The following GCN1 variants were observed in gnomAD, a reference collection of about 807,000 sequenced individuals.
GCN1 encodes GCN1 activator of EIF2AK4.
Under a neutral mutation model 288.4 loss-of-function variants are expected in GCN1, and 90 were observed. The observed-to-expected ratio is 0.31, with a 90% CI of 0.26 to 0.37. The LOEUF is 0.37. Ranked by LOEUF, GCN1 falls within the 10% of genes least tolerant of loss-of-function variation. The pLI is 1.00. For missense variants in GCN1, 2,586 were observed against 3,419.9 expected (o/e 0.76, Z 6.08); for synonymous variants, 1,386 against 1,420.2 (o/e 0.98, Z 0.54).
chr12:120,158,428 C>A lies in GCN1; in HGVS notation c.2905+32G>T. 6.6e-7 allele frequency: 1 copy of A among 1,515,924 alleles called. No homozygotes were observed. The highest frequency in any genetic ancestry group is 8.9e-7 in the Non-Finnish European group (1 of 1,126,088). 93.9% of individuals were successfully genotyped at this position (1,515,924 alleles called of 1,614,324 possible). ...GCATTCCTGGCACCAGCTCACACCG[C>A]CTGGTGCCCCTGATCCCGTCCCAGC... On this transcript the variant is annotated intron_variant, in intron 25 of 57. Coordinates refer to ENST00000300648, the MANE Select transcript of GCN1 (RefSeq NM_006836.2). This position sits in a 1 kb window ranked among gnomAD's most constrained non-coding sequence, Gnocchi z 4.3.
intron 36 of GCN1, among the ~76,000 whole-genome samples, chr12:120,148,570 G>C (rs1877434047): frequency 6.6e-6 from 1 of 152,208 alleles, no homozygotes; most frequent in African/African-American, 2.4e-5. Flanking sequence ...GGCAGTATGG[G>C]AGAAAGAGAC....
In GCN1 at chr12:120,164,661, G is replaced by A. The variant is rs372493891; in HGVS notation, c.1673C>T (p.Thr558Ile). 7.1e-5 allele frequency: 114 copies of A among 1,613,378 alleles called. No individual in the cohort carries two copies. The highest frequency in any genetic ancestry group is 9.4e-5 in the Non-Finnish European group (111 of 1,179,410). The change falls in exon 17 of 58, where the codon ACT becomes ATT. Residue 558 changes from threonine (T) to isoleucine (I), a missense_variant. This residue lies in a region of GCN1 where 913 missense variants were observed against 1,107.0 expected (regional missense o/e 0.82). Transcript: ENST00000300648. ...RLFLDHPHRL[T>I]GNKVQQYHRA... Reference sequence around the variant, plus strand: ...CCTCACGTACTGAACTTTGTTGCCAGTGAGTCTATGCGGGTGGTCAAGGAA... The same window carrying A: ...CCTCACGTACTGAACTTTGTTGCCAATGAGTCTATGCGGGTGGTCAAGGAA...
chr12:120,134,477 C>T lies in GCN1; in HGVS notation c.7202+56G>A. ...ACCCCTCCTGCCAGCGCAGGCTCGGCCCACAGCAACCCCTGGCCTCCTGGA... is the reference window on the plus strand; with the variant it reads ...ACCCCTCCTGCCAGCGCAGGCTCGGTCCACAGCAACCCCTGGCCTCCTGGA... On this transcript the variant is annotated intron_variant, in intron 52 of 57. Coordinates refer to ENST00000300648, the MANE Select transcript of GCN1 (RefSeq NM_006836.2). The surrounding 1 kb of genome is among the most constrained non-coding windows in gnomAD (Gnocchi z 5.0). 1.3e-6 allele frequency: 2 copies of T among 1,596,372 alleles called. No individual in the cohort carries two copies. Among genetic ancestry groups the T allele is most frequent in the East Asian group, 4.5e-5 (2 of 44,682 alleles).
chr12:120,148,484 AG>A, intron 36 of GCN1, 138 bp from the exon 37 acceptor site: 1 of 679,754 alleles, frequency 1.5e-6, no homozygotes, highest in South Asian at 2.0e-5. Context: ...AGGAGGGGAG[AG>A]GGGGCTGGCT....
chr12:120,144,407 C>T lies in GCN1; in HGVS notation c.5394G>A (p.Leu1798=). The T allele has an allele frequency of 6.2e-7, 1 of 1,614,228 alleles. No homozygotes were observed. The highest frequency in any genetic ancestry group is 8.5e-7 in the Non-Finnish European group (1 of 1,180,010). The change falls in exon 42 of 58, where the codon CTG becomes CTA. Residue 1798 remains leucine, a synonymous_variant. Coordinates refer to ENST00000300648, the MANE Select transcript of GCN1 (RefSeq NM_006836.2). The surrounding 1 kb of genome is among the most constrained non-coding windows in gnomAD (Gnocchi z 4.7). The part of the protein sequence containing the change: ...DENEFVRDTA[L]RAGQRVISMY... Reference sequence around the variant, plus strand: ...TGGAGATAACCCGCTGGCCCGCGCGCAGGGCGGTGTCACGCACAAACTCAT... The same window carrying T: ...TGGAGATAACCCGCTGGCCCGCGCGTAGGGCGGTGTCACGCACAAACTCAT...
chr12:120,156,470 G>T lies in GCN1; in HGVS notation c.3303C>A (p.Thr1101=). ...LQSPCASVRE[T]VLRGLMELHM... is the part of the protein sequence containing the mutation. ...GAGACTGAGCACACACCCGGAGCAC[G>T]GTTTCCCGCACGCTGGCACACGGGG... Residue 1101 remains threonine (T), a synonymous_variant, in exon 28 of 58, where the codon ACC becomes ACA. Transcript: ENST00000300648. This position sits in a 1 kb window ranked among gnomAD's most constrained non-coding sequence, Gnocchi z 5.8. 1 of 1,613,762 alleles carries T rather than the reference G, an allele frequency of 6.2e-7. No homozygotes were observed. Among genetic ancestry groups the T allele is most frequent in the Admixed American group, 1.7e-5 (1 of 60,018 alleles).
Position 120,134,856 on chromosome 12 carries a change from C to T in GCN1, c.7009-130G>A. Reference sequence around the variant, plus strand: ...TCCAGCTCTCATACAGGGCTGGGGACAGATAGCCCGTCAGAGAGGCCAAAC... The same window carrying T: ...TCCAGCTCTCATACAGGGCTGGGGATAGATAGCCCGTCAGAGAGGCCAAAC... On this transcript the variant is annotated intron_variant, in intron 51 of 57. Transcript: ENST00000300648. This position sits in a 1 kb window ranked among gnomAD's most constrained non-coding sequence, Gnocchi z 5.0. 1.3e-6 allele frequency: 1 copy of T among 750,702 alleles called. No homozygotes were observed. Among genetic ancestry groups the T allele is most frequent in the Non-Finnish European group, 2.2e-6 (1 of 450,794 alleles). The allele number at this position is 750,702 out of a possible 1,614,324, so 46.5% of individuals were successfully genotyped here.
At chr12:120,151,048 A>T in intron 34 of GCN1, 97 bp downstream of exon 34, 1 of 1,353,010 alleles carries the variant, frequency 7.4e-7, no homozygotes, top group Non-Finnish European at 1.0e-6. Context: ...CGCACAAGCA[A>T]CGGCCTCCAC....
At chr12:120,194,548 G>A in intron 1 of GCN1, 132 bp downstream of exon 1, 2 of 883,684 alleles carry the variant, frequency 2.3e-6, no homozygotes, top group Non-Finnish European at 3.4e-6. Flanking sequence ...AGCCTGAGAC[G>A]GCCCCGAGAC....
In GCN1 at chr12:120,145,311, G is replaced by C. The variant is rs1411213418; in HGVS notation, c.4967C>G (p.Pro1656Arg). The C allele has an allele frequency of 6.3e-7, 1 of 1,597,016 alleles. No homozygotes were observed. The highest frequency in any genetic ancestry group is 8.5e-7 in the Non-Finnish European group (1 of 1,171,690). The change falls in exon 39 of 58, where the codon CCC (proline) becomes CGC (arginine). Residue 1656 changes from proline to arginine, a missense_variant. By Grantham distance (103) the Pro-to-Arg change is moderately radical. Transcript: ENST00000300648. ...TDQKDLAPYL[P>R]SVTPGLKASL... ...TGCTTTCAGGCCAGGCGTCACGCTGGGCAGGTACGGAGCCAAGTCCTGCAA... is the reference window on the plus strand; with the variant it reads ...TGCTTTCAGGCCAGGCGTCACGCTGCGCAGGTACGGAGCCAAGTCCTGCAA...
intron 36 of GCN1, 22 bp from the exon 37 acceptor site, chr12:120,148,368 C>A (rs765949997): frequency 1.2e-6 from 2 of 1,601,248 alleles, no homozygotes; most frequent in Non-Finnish European, 1.7e-6. Flanking sequence ...AGACACAAGC[C>A]CAGTACTGAA....
chr12:120,132,601 A>T (rs549687303), intron 53 of GCN1, among the ~76,000 whole-genome samples: 1 of 152,326 alleles, frequency 6.6e-6, no homozygotes, highest in East Asian at 1.9e-4. Context: ...GCCACTAATC[A>T]AGCCAAGGAA....
chr12:120,145,144 G>A (rs574050494), intron 39 of GCN1, 83 bp from the exon 40 acceptor site: 50 of 1,568,292 alleles, frequency 3.2e-5, no homozygotes, highest in African/African-American at 2.7e-4. Flanking sequence ...AAGGGGCACC[G>A]AGGGCCTCTT....
At chr12:120,141,865 T>C (rs3815210) in intron 44 of GCN1, among the ~76,000 whole-genome samples, 37,763 of 152,060 alleles carry the variant, frequency 0.25, 6,179 homozygotes, top group East Asian at 0.56. Flanking sequence ...TGCAGTGCCA[T>C]GCAGCACTGG....
Position 120,144,261 on chromosome 12 carries a change from C to T in GCN1, c.5495+45G>A. The T allele has an allele frequency of 6.2e-7, 1 of 1,607,566 alleles. No homozygotes were observed. Among genetic ancestry groups the T allele is most frequent in the Admixed American group, 1.7e-5 (1 of 59,910 alleles). On this transcript the variant is annotated intron_variant, in intron 42 of 57. Transcript: ENST00000300648. The surrounding 1 kb of genome is among the most constrained non-coding windows in gnomAD (Gnocchi z 4.7). ...AGAGTGCTCGGATTATAGGCATGAG[C>T]CACCACGCATCATCCCCACTGGGTC...
intron 36 of GCN1, among the ~76,000 whole-genome samples, chr12:120,149,192 A>G (rs764413072): frequency 6.6e-6 from 1 of 152,054 alleles, no homozygotes; most frequent in African/African-American, 2.4e-5. Flanking sequence ...GTTTCTTGGC[A>G]TGAAAGCACA....
In GCN1 at chr12:120,137,106, T is replaced by C; in HGVS notation, c.6777+100A>G. The C allele has an allele frequency of 2.4e-6, 2 of 825,720 alleles. No individual in the cohort carries two copies. Among genetic ancestry groups the C allele is most frequent in the Non-Finnish European group, 4.2e-6 (2 of 481,700 alleles). 51.1% of individuals were successfully genotyped at this position (825,720 alleles called of 1,614,324 possible). A position where few individuals can be genotyped will look rare whatever the true frequency, so the allele number is the denominator to read the frequency against. The stretch of plus-strand genomic sequence containing the variant: ...GCTGAACACCAACCACCACGGCTAC[T>C]GCTCCAGCAGCCCCTACCGCAGACC... On this transcript the variant is annotated intron_variant, in intron 50 of 57. Coordinates refer to ENST00000300648, the MANE Select transcript of GCN1 (RefSeq NM_006836.2). The surrounding 1 kb of genome is among the most constrained non-coding windows in gnomAD (Gnocchi z 5.2).
rs1237497949 is a variant in GCN1, at chr12:120,149,926, C to A, written c.4427G>T (p.Arg1476Leu). 1 of 1,614,072 alleles carries A rather than the reference C, an allele frequency of 6.2e-7. No homozygotes were observed. Residue 1476 changes from arginine (R) to leucine (L), a missense_variant, in exon 35 of 58, where the codon CGT (arginine) becomes CTT (leucine). By Grantham distance (102) the Arg-to-Leu change is moderately radical (BLOSUM62 -2). Coordinates refer to ENST00000300648, the MANE Select transcript of GCN1 (RefSeq NM_006836.2). ...LCFGDGNQYV[R>L]EAADDCAKAV... ...CCGAGCAGTCCGGGGACTTACCTCA[C>A]GCACATACTGGTTTCCATCCCCAAA...
Position 120,142,537 on chromosome 12 carries a change from G to A in GCN1, c.5799C>T (p.Phe1933=). The A allele has an allele frequency of 1.9e-6, 3 of 1,613,948 alleles. No individual in the cohort carries two copies. Among genetic ancestry groups the A allele is most frequent in the Non-Finnish European group, 2.5e-6 (3 of 1,179,976 alleles). ...LPTLFGLLLG[F]LASTCADKRT... ...TCTTATCTGCACACGTGCTGGCCAG[G>A]AAACCCAGCAGGAGCCCAAAGAGAG... Residue 1933 remains phenylalanine (F), a synonymous_variant, in exon 44 of 58, where the codon TTC becomes TTT. Transcript: ENST00000300648. The surrounding 1 kb of genome is among the most constrained non-coding windows in gnomAD (Gnocchi z 4.9).
Sources: allele counts gnomAD v4.1 joint callset (sites outside exome capture counted in the v4.1 genomes callset), GRCh38; gene constraint gnomAD v4.1.1; regional missense constraint gnomAD v4.1.1; non-coding constraint Gnocchi (gnomAD v3.1); transcripts MANE v1.5; gene names NCBI Gene and HGNC (gene_info 2026-07-23, HGNC 2026-07-21).